The following NFIB variants were observed in gnomAD, a reference collection of about 807,000 sequenced individuals.
The protein encoded by NFIB is nuclear factor I B.
NFIB carries 11 observed loss-of-function variants against 61.5 expected under a neutral mutation model. That is an observed-to-expected ratio of 0.18 (90% CI 0.11 to 0.30). The LOEUF (loss-of-function observed/expected upper bound fraction) is 0.30. Ranked by LOEUF, NFIB falls within the 10% of genes least tolerant of loss-of-function variation. The probability of loss-of-function intolerance (pLI) is 1.00; values close to 1 mark genes in which losing one functional copy is unlikely to be tolerated. For missense variants in NFIB, 471 were observed against 608.9 expected, an observed-to-expected ratio of 0.77 and a Z score of 2.38; for synonymous variants, 260 against 216.5, an observed-to-expected ratio of 1.20 and a Z score of -1.76.
At chr9:14,180,394 A>C (rs2046632846) in intron 2 of NFIB, among the ~76,000 whole-genome samples, 1 of 152,190 alleles carries the variant, frequency 6.6e-6, no homozygotes, top group Non-Finnish European at 1.5e-5. Context: ...GTGGAGAGCA[A>C]ATGGTTGAAT....
intron 1 of NFIB, among the ~76,000 whole-genome samples, chr9:14,393,557 C>T (rs1416396904): frequency 1.3e-5 from 2 of 152,142 alleles, no homozygotes. Context: ...ACCTGGTAAC[C>T]TTTTCCACAT....
In NFIB at chr9:14,113,040, C is replaced by A; in HGVS notation, c.1426G>T (p.Gly476Ter). 6.5e-7 allele frequency: 1 copy of A among 1,550,206 alleles called. No individual in the cohort carries two copies. Among genetic ancestry groups the A allele is most frequent in the Non-Finnish European group, 8.7e-7 (1 of 1,146,816 alleles). Residue 476 changes from glycine (G) to a stop codon, truncating the protein, a stop_gained, in exon 10 of 11, where the codon GGA (glycine) becomes TGA (stop). Coordinates refer to ENST00000380953, the MANE Select transcript of NFIB (RefSeq NM_001190737.2). LOFTEE classifies it high-confidence loss of function. ...SGTSQANRYV[G>*]LSPRDPSFLH... ...AAGGATGGGTCTCTTGGGCTTAGTC[C>A]CACATATCGATTGGCTTGAGATGTG...
At chr9:14,513,094 C>T in the NFIB span, among the ~76,000 whole-genome samples, 1 of 152,072 alleles carries the variant, frequency 6.6e-6, no homozygotes, top group Non-Finnish European at 1.5e-5. Flanking sequence ...TATACCCACA[C>T]AGAGATGCAG....
intron 7 of NFIB, among the ~76,000 whole-genome samples, chr9:14,123,277 A>G (rs1167970731): frequency 1.3e-5 from 2 of 151,932 alleles, no homozygotes; most frequent in Non-Finnish European, 2.9e-5. Context: ...AAAAAGAAAA[A>G]AAAATAAGAA....
At chr9:14,341,753 C>T (rs751140189) in intron 1 of NFIB, among the ~76,000 whole-genome samples, 4 of 152,118 alleles carry the variant, frequency 2.6e-5, no homozygotes, top group African/African-American at 4.8e-5. Flanking sequence ...CCATGGCTCA[C>T]GGGCTTGCCA....
chr9:14,383,460 G>A (rs1461114692), intron 1 of NFIB, among the ~76,000 whole-genome samples: 1 of 152,208 alleles, frequency 6.6e-6, no homozygotes, highest in African/African-American at 2.4e-5. Flanking sequence ...TCAAGGCGGT[G>A]CTAAGAATCT....
the NFIB span, among the ~76,000 whole-genome samples, chr9:14,519,452 G>A: frequency 6.6e-6 from 1 of 152,150 alleles, no homozygotes; most frequent in Non-Finnish European, 1.5e-5. Flanking sequence ...GAAATTGGTT[G>A]AGCCTAAAGC....
chr9:14,500,606 A>G, the NFIB span, among the ~76,000 whole-genome samples: 1 of 152,112 alleles, frequency 6.6e-6, no homozygotes, highest in African/African-American at 2.4e-5. Flanking sequence ...TTAATATTTC[A>G]TTTACTTTAG....
the NFIB span, among the ~76,000 whole-genome samples, chr9:14,466,283 G>A: frequency 6.6e-6 from 1 of 152,162 alleles, no homozygotes; most frequent in South Asian, 2.1e-4. Flanking sequence ...CTGAAGGTCT[G>A]CCAAGTGGTA....
intron 2 of NFIB, among the ~76,000 whole-genome samples, chr9:14,287,476 C>A (rs1385861630): frequency 2.0e-5 from 3 of 151,824 alleles, no homozygotes; most frequent in Non-Finnish European, 4.4e-5. Flanking sequence ...CAGGCCGCAG[C>A]GCAATGGCGC....
chr9:14,391,145 G>T (rs925004503), intron 1 of NFIB, among the ~76,000 whole-genome samples: 1 of 152,176 alleles, frequency 6.6e-6, no homozygotes, highest in African/African-American at 2.4e-5. Flanking sequence ...ATAGAGAGAA[G>T]ACAGCAGGAG....
the NFIB span, among the ~76,000 whole-genome samples, chr9:14,406,159 C>T: frequency 1.3e-5 from 2 of 152,116 alleles, no homozygotes; most frequent in Non-Finnish European, 2.9e-5. Context: ...CTATGAAGAC[C>T]AATGGACAAG....
Position 14,090,175 on chromosome 9 carries a change from A to C in NFIB, c.1468-1849T>G, listed in dbSNP as rs764198440. ...AAAGAAAATAGGTATCTCTGAATTT[A>C]AAATTAGATCTACTTAGCATTAACA... On this transcript the variant is annotated intron_variant, in intron 10 of 10. Transcript: ENST00000380953. Among the ~76,000 whole-genome samples, 6 of 152,176 alleles carry C rather than the reference A, an allele frequency of 3.9e-5. No homozygotes were observed. In the East Asian group the frequency reaches 9.6e-4, roughly 24 times the overall value.
At chr9:14,344,978 C>A (rs780187402) in intron 1 of NFIB, among the ~76,000 whole-genome samples, 8 of 152,148 alleles carry the variant, frequency 5.3e-5, no homozygotes, top group Non-Finnish European at 1.0e-4. Flanking sequence ...ACAGCCTAGG[C>A]ACTGCAGCTT....
chr9:14,194,169 CAATA>C (rs1208711348), intron 2 of NFIB, among the ~76,000 whole-genome samples: 7 of 152,062 alleles, frequency 4.6e-5, no homozygotes, highest in Non-Finnish European at 8.8e-5. Flanking sequence ...GAATTTAATT[CAATA>C]AATATTTACT....
intron 1 of NFIB, among the ~76,000 whole-genome samples, chr9:14,339,002 A>C (rs546825531): frequency 6.6e-6 from 1 of 152,276 alleles, no homozygotes; most frequent in East Asian, 1.9e-4. Flanking sequence ...AAAGATGGAA[A>C]CATTCTGCTC....
the NFIB span, among the ~76,000 whole-genome samples, chr9:14,489,462 C>T: frequency 2.0e-5 from 3 of 152,120 alleles, no homozygotes; most frequent in African/African-American, 7.2e-5. Context: ...AATGTGGAGA[C>T]CACAAATTGT....
intron 2 of NFIB, among the ~76,000 whole-genome samples, chr9:14,256,423 T>C (rs1427691066): frequency 1.3e-5 from 2 of 152,118 alleles, no homozygotes; most frequent in African/African-American, 2.4e-5. Flanking sequence ...ACAGAAGTTT[T>C]CTCTTTAGAC....
At chr9:14,239,061 AT>A (rs1227879559) in intron 2 of NFIB, among the ~76,000 whole-genome samples, 1 of 152,246 alleles carries the variant, frequency 6.6e-6, no homozygotes, top group Non-Finnish European at 1.5e-5. Flanking sequence ...GTTACATTTG[AT>A]TCTGCAAGAG....
Sources: allele counts gnomAD v4.1 joint callset (sites outside exome capture counted in the v4.1 genomes callset), GRCh38; gene constraint gnomAD v4.1.1; transcripts MANE v1.5; gene names NCBI Gene and HGNC (gene_info 2026-07-23, HGNC 2026-07-21).